RBFOX1: variants seen among roughly 807,000 people sequenced by gnomAD.
The protein encoded by RBFOX1 is RNA binding fox-1 homolog 1.
Under a neutral mutation model 57.7 loss-of-function variants are expected in RBFOX1, and 8 were observed. That is an observed-to-expected ratio of 0.14 (90% CI 0.08 to 0.25). RBFOX1 has a LOEUF of 0.25. RBFOX1 is among the 10% of genes least tolerant of loss of function. The pLI is 1.00. For missense variants in RBFOX1, 611 were observed against 548.5 expected (o/e 1.11, Z -1.14); for synonymous variants, 326 against 222.4 (o/e 1.47, Z -4.15).
At chr16:6,222,817 C>T (rs995949171) in intron 1 of RBFOX1, among the ~76,000 whole-genome samples, 6 of 151,612 alleles carry the variant, frequency 4.0e-5, no homozygotes, top group Admixed American at 3.3e-4. Context: ...CGTCATTTAG[C>T]GTTAGGTATA....
chr16:5,511,674 C>T (rs1483005371), intron 2 of RBFOX1, among the ~76,000 whole-genome samples: 1 of 152,158 alleles, frequency 6.6e-6, no homozygotes, highest in Non-Finnish European at 1.5e-5. Context: ...AGAGTTAAAG[C>T]AACTAGCCCA....
At chr16:6,406,068 G>C (rs1215804998) in intron 2 of RBFOX1, among the ~76,000 whole-genome samples, 1 of 152,164 alleles carries the variant, frequency 6.6e-6, no homozygotes, top group African/African-American at 2.4e-5. Flanking sequence ...ATATGTCCTG[G>C]TGGATCTTAC....
chr16:7,325,744 G>C (rs961458289), intron 4 of RBFOX1, among the ~76,000 whole-genome samples: 3 of 152,188 alleles, frequency 2.0e-5, no homozygotes, highest in African/African-American at 7.2e-5. Context: ...ATTTGATGCG[G>C]TTGTGACTTG....
chr16:7,061,996 G>T (rs1399045487), intron 4 of RBFOX1, among the ~76,000 whole-genome samples: 1 of 152,130 alleles, frequency 6.6e-6, no homozygotes, highest in Admixed American at 6.5e-5. Context: ...TCCTGATGAT[G>T]CAGACAAACC....
intron 1 of RBFOX1, among the ~76,000 whole-genome samples, chr16:6,212,960 G>A (rs954808953): frequency 7.2e-5 from 11 of 152,248 alleles, no homozygotes; most frequent in Admixed American, 6.5e-4. Context: ...GACCTGAACG[G>A]CCTTTTCCCT....
At chr16:6,503,778 G>A (rs548612043) in intron 2 of RBFOX1, among the ~76,000 whole-genome samples, 2 of 152,136 alleles carry the variant, frequency 1.3e-5, no homozygotes, top group East Asian at 1.9e-4. Flanking sequence ...GATGTCTCGC[G>A]ATGGAGGAAG....
intron 3 of RBFOX1, among the ~76,000 whole-genome samples, chr16:7,012,401 G>C (rs1419340363): frequency 3.3e-5 from 5 of 152,058 alleles, no homozygotes. Flanking sequence ...CATCCTTCAG[G>C]TTTCTGAGGC....
chr16:6,716,372 G>T (rs2064823941), intron 3 of RBFOX1, among the ~76,000 whole-genome samples: 1 of 152,200 alleles, frequency 6.6e-6, no homozygotes, highest in Middle Eastern at 3.4e-3. Context: ...TCTGAATATA[G>T]GTATCTAACT....
intron 3 of RBFOX1, among the ~76,000 whole-genome samples, chr16:5,714,994 A>G (rs1255791987): frequency 6.6e-6 from 1 of 152,268 alleles, no homozygotes; most frequent in Non-Finnish European, 1.5e-5. Flanking sequence ...AACCCGAAGC[A>G]GATTAAAGTA....
chr16:7,377,353 A>T (rs1451614918), intron 4 of RBFOX1, among the ~76,000 whole-genome samples: 1 of 152,224 alleles, frequency 6.6e-6, no homozygotes, highest in African/African-American at 2.4e-5. Flanking sequence ...CAATCGGAAG[A>T]CATCTCATTC....
At chr16:6,651,384 C>G (rs867421161) in intron 2 of RBFOX1, among the ~76,000 whole-genome samples, 1 of 151,966 alleles carries the variant, frequency 6.6e-6, no homozygotes, top group Non-Finnish European at 1.5e-5. Context: ...GACTACTTCT[C>G]TCCCCTTCCC....
At chr16:6,129,329 A>C (rs1431431482) in intron 1 of RBFOX1, among the ~76,000 whole-genome samples, 3 of 152,194 alleles carry the variant, frequency 2.0e-5, no homozygotes, top group Non-Finnish European at 4.4e-5. Flanking sequence ...TGGAAGTCAT[A>C]AAAAGGAATC....
intron 4 of RBFOX1, among the ~76,000 whole-genome samples, chr16:7,461,513 A>G (rs772361549): frequency 5.3e-4 from 81 of 152,204 alleles, no homozygotes; most frequent in Non-Finnish European, 1.0e-3. Context: ...GGATGAATGT[A>G]GAATTTAAGT....
chr16:6,467,708 C>G (rs1271003390), intron 2 of RBFOX1, among the ~76,000 whole-genome samples: 3 of 152,210 alleles, frequency 2.0e-5, no homozygotes, highest in South Asian at 4.1e-4. Flanking sequence ...TGATATGCCA[C>G]TGGACTCTTC....
chr16:6,645,039 C>G (rs2098522664), intron 2 of RBFOX1, among the ~76,000 whole-genome samples: 1 of 152,130 alleles, frequency 6.6e-6, no homozygotes, highest in Non-Finnish European at 1.5e-5. Flanking sequence ...AGCAGGACGG[C>G]TCTCCCAGCA....
intron 3 of RBFOX1, among the ~76,000 whole-genome samples, chr16:6,808,701 C>T (rs1471089378): frequency 2.0e-5 from 3 of 152,120 alleles, no homozygotes; most frequent in African/African-American, 7.2e-5. Flanking sequence ...AATGCTTCCT[C>T]CAACCTCTGC....
intron 4 of RBFOX1, among the ~76,000 whole-genome samples, chr16:7,163,665 A>G (rs375918159): frequency 6.6e-6 from 1 of 151,820 alleles, no homozygotes; most frequent in African/African-American, 2.4e-5. Context: ...TAATTTAAAA[A>G]TTTAATTTTT....
At chr16:7,340,233 A>G (rs541114226) in intron 4 of RBFOX1, among the ~76,000 whole-genome samples, 5 of 152,362 alleles carry the variant, frequency 3.3e-5, no homozygotes, top group South Asian at 4.1e-4. Context: ...ATCAACAACA[A>G]TTATAGTTAA....
rs1358286306 is a variant in RBFOX1 at position 5,251,769 on chromosome 16, T to C, written c.219+11664T>C. 0.021 allele frequency among the ~76,000 whole-genome samples: 4 copies of C among 192 alleles called. No individual in the cohort carries two copies. The East Asian group carries it at 0.4, about 19-fold the overall frequency. The allele number at this position is 192 out of a possible 152,430, so 0.1% of individuals were successfully genotyped here. ...TTGATCTGGATGATGGTTGTGTAGCTGCAACATGTGTCAACATTCCTCATG... is the reference window on the plus strand; with the variant it reads ...TTGATCTGGATGATGGTTGTGTAGCCGCAACATGTGTCAACATTCCTCATG... On this transcript the variant is annotated intron_variant, in intron 1 of 2. Transcript: ENST00000585867.
Sources: allele counts gnomAD v4.1 joint callset (sites outside exome capture counted in the v4.1 genomes callset), GRCh38; gene constraint gnomAD v4.1.1; transcripts MANE v1.5; gene names NCBI Gene and HGNC (gene_info 2026-07-23, HGNC 2026-07-21).